Variants in ACOX3 observed in about 807,000 individuals in gnomAD.
ACOX3 encodes the protein acyl-CoA oxidase 3, pristanoyl.
In ACOX3, 73 loss-of-function variants were observed where a neutral mutation model predicts 81.5. The observed-to-expected ratio is 0.90, with a 90% CI of 0.74 to 1.09. The LOEUF (loss-of-function observed/expected upper bound fraction) is 1.09. Among genes scored for constraint, ACOX3 ranks in the 50% least tolerant of loss-of-function variants. ACOX3 has a pLI of 0.00. For synonymous variants in ACOX3, 387 were observed against 375.1 expected (o/e 1.03, Z -0.37); for missense variants, 947 against 928.0 (o/e 1.02, Z -0.27).
In ACOX3 at chr4:8,389,504, G is replaced by T; in HGVS notation, c.1423+108C>A. ...TATCTAATAACATTTCTTTCCTTCT[G>T]CAAACCTAGGATGCATTCACAGAAC... is the stretch of plus-strand genomic sequence containing the variant. On this transcript the variant is annotated intron_variant, in intron 12 of 17. Transcript: ENST00000356406. This position sits in a 1 kb window ranked among gnomAD's most constrained non-coding sequence, Gnocchi z 5.3. 1 of 1,541,288 alleles carries T rather than the reference G, an allele frequency of 6.5e-7. No individual in the cohort carries two copies. Among genetic ancestry groups the T allele is most frequent in the Non-Finnish European group, 8.8e-7 (1 of 1,131,312 alleles).
Position 8,370,760 on chromosome 4 carries a change from A to G in ACOX3, c.1983+148T>C. ...GAAGCACCAGAGTGAGACAGTCCTGACTTGTCCCGGGCCCTCCCCAAGAAG... is the reference window on the plus strand; with the variant it reads ...GAAGCACCAGAGTGAGACAGTCCTGGCTTGTCCCGGGCCCTCCCCAAGAAG... On this transcript the variant is annotated intron_variant, in intron 17 of 17. Transcript: ENST00000356406. The surrounding 1 kb of genome is among the most constrained non-coding windows in gnomAD (Gnocchi z 6.3). The G allele has an allele frequency of 1.5e-6, 1 of 669,466 alleles. No individual in the cohort carries two copies. Among genetic ancestry groups the G allele is most frequent in the Non-Finnish European group, 2.6e-6 (1 of 389,834 alleles). The allele number at this position is 669,466 out of a possible 1,614,324, so 41.5% of individuals were successfully genotyped here. A position where few individuals can be genotyped will look rare whatever the true frequency, so the allele number is the denominator to read the frequency against.
Position 8,416,597 on chromosome 4 carries a change from C to G in ACOX3, c.-14-62G>C. On this transcript the variant is annotated intron_variant, in intron 1 of 17. Coordinates refer to ENST00000356406, the MANE Select transcript of ACOX3 (RefSeq NM_003501.3). The surrounding 1 kb of genome is among the most constrained non-coding windows in gnomAD (Gnocchi z 4.2). ...ATCTATGGGTTCAAACTACCCCCACCAACAGGAGAGCCCGCAACACCTTAC... is the reference window on the plus strand; with the variant it reads ...ATCTATGGGTTCAAACTACCCCCACGAACAGGAGAGCCCGCAACACCTTAC... The G allele has an allele frequency of 6.8e-7, 1 of 1,481,138 alleles. No individual in the cohort carries two copies. The highest frequency in any genetic ancestry group is 2.4e-5 in the East Asian group (1 of 41,988). 91.7% of individuals were successfully genotyped at this position (1,481,138 alleles called of 1,614,324 possible). A position where few individuals can be genotyped will look rare whatever the true frequency, so the allele number is the denominator to read the frequency against.
chr4:8,365,129 T>C, downstream of ACOX3, among the ~76,000 whole-genome samples: 1 of 152,218 alleles, frequency 6.6e-6, no homozygotes, highest in East Asian at 1.9e-4. Flanking sequence ...CAACTGCTCT[T>C]GGGCTGGGAC....
Position 8,397,026 on chromosome 4 carries a change from C to A in ACOX3, c.967G>T (p.Val323Leu). Residue 323 changes from valine (V) to leucine (L), a missense_variant, in exon 9 of 18, where the codon GTG becomes TTG. Physicochemically the swap from Val to Leu is conservative, Grantham distance 32. Coordinates refer to ENST00000356406, the MANE Select transcript of ACOX3 (RefSeq NM_003501.3). The part of the protein sequence containing the change: ...SLAILNLKLA[V>L]AIALRFSATR... ...GCTGAGAAGCGAAGAGCGATGGCCA[C>A]GGCCAGCTTTAGGTTAAGGATGGCC... The A allele has an allele frequency of 6.2e-7, 1 of 1,611,540 alleles. No homozygotes were observed. The highest frequency in any genetic ancestry group is 8.5e-7 in the Non-Finnish European group (1 of 1,178,972).
Position 8,386,292 on chromosome 4 carries a change from C to A in ACOX3, c.1537+2881G>T, listed in dbSNP as rs558609986. Among the ~76,000 whole-genome samples the A allele has an allele frequency of 3.3e-5, 5 of 151,984 alleles. No individual in the cohort carries two copies. The highest frequency in any genetic ancestry group is 7.4e-5 in the Non-Finnish European group (5 of 68,002). On this transcript the variant is annotated intron_variant, in intron 13 of 17. Coordinates refer to ENST00000356406, the MANE Select transcript of ACOX3 (RefSeq NM_003501.3). The surrounding 1 kb of genome is among the most constrained non-coding windows in gnomAD (Gnocchi z 5.2). ...GCTTAGAAAGTGACTTGCGGCCGGG[C>A]GTGGTGGCTCATGCCTGTGATCCCA... is the stretch of plus-strand genomic sequence containing the variant.
intron 5 of ACOX3, among the ~76,000 whole-genome samples, chr4:8,411,551 G>A (rs1360097820): frequency 1.3e-5 from 2 of 152,184 alleles, no homozygotes; most frequent in African/African-American, 4.8e-5. Flanking sequence ...TCTTCAGCAC[G>A]CGGCAGTTCT....
downstream of ACOX3, among the ~76,000 whole-genome samples, chr4:8,361,539 C>T (rs549205867): frequency 2.3e-4 from 33 of 142,844 alleles, no homozygotes; most frequent in South Asian, 4.6e-3. Flanking sequence ...TAAAAAAATT[C>T]TGGGTGTGAA....
chr4:8,433,996 G>C (rs899135793), intron 1 of ACOX3, among the ~76,000 whole-genome samples: 3 of 152,132 alleles, frequency 2.0e-5, no homozygotes, highest in Non-Finnish European at 4.4e-5. Flanking sequence ...AGAAACAAAA[G>C]TAAGATAAAT....
At chr4:8,367,212 G>T in intron 17 of ACOX3, 132 bp from the exon 18 acceptor site, 1 of 1,232,416 alleles carries the variant, frequency 8.1e-7, no homozygotes. Context: ...GGGCACAGTG[G>T]CTCACGCCCG....
chr4:8,356,664 C>T, the ACOX3 span: 9 of 455,112 alleles, frequency 2.0e-5, no homozygotes, highest in Non-Finnish European at 4.0e-5. Flanking sequence ...GGAACACTAA[C>T]CTGTTCCTGG....
Position 8,414,272 on chromosome 4 carries a change from C to T in ACOX3, c.543+20G>A, listed in dbSNP as rs181404870. 34 of 1,604,926 alleles carry T rather than the reference C, an allele frequency of 2.1e-5. No individual in the cohort carries two copies. The African/African-American group carries it at 3.2e-4, about 15-fold the overall frequency. On this transcript the variant is annotated intron_variant, in intron 5 of 17. Coordinates refer to ENST00000356406, the MANE Select transcript of ACOX3 (RefSeq NM_003501.3). This position sits in a 1 kb window ranked among gnomAD's most constrained non-coding sequence, Gnocchi z 6.1. ...CTCATATGCTCCAAACTCAGGGACC[C>T]GGGGGAAGGTAATACCTACCTCAGT...
intron 6 of ACOX3, 72 bp downstream of exon 6, chr4:8,410,140 A>G (rs1721561422): frequency 5.9e-6 from 9 of 1,535,002 alleles, no homozygotes; most frequent in Non-Finnish European, 7.9e-6. Flanking sequence ...TATGACAAAA[A>G]TGACTCCAGA....
chr4:8,403,845 G>A (rs1236931199), intron 7 of ACOX3, among the ~76,000 whole-genome samples: 1 of 152,182 alleles, frequency 6.6e-6, no homozygotes, highest in East Asian at 1.9e-4. Context: ...GAAACTGAAT[G>A]AGCAGTGAAG....
rs1446344633 is a variant in ACOX3, at chr4:8,382,920, A to G, written c.1538-1313T>C. ...GGCAGGAGAATGGCGTGAACCCGGG[A>G]GGCGGAGTTGCAGTGAGCCGAGATC... On this transcript the variant is annotated intron_variant, in intron 13 of 17. Coordinates refer to ENST00000356406, the MANE Select transcript of ACOX3 (RefSeq NM_003501.3). The surrounding 1 kb of genome is among the most constrained non-coding windows in gnomAD (Gnocchi z 4.1). Among the ~76,000 whole-genome samples, 2 of 138,466 alleles carry G rather than the reference A, an allele frequency of 1.4e-5. No individual in the cohort carries two copies. Among genetic ancestry groups the G allele is most frequent in the Non-Finnish European group, 3.0e-5 (2 of 65,660 alleles). The allele number at this position is 138,466 out of a possible 152,430, so 90.8% of individuals were successfully genotyped here. A position where few individuals can be genotyped will look rare whatever the true frequency, so the allele number is the denominator to read the frequency against.
intron 1 of ACOX3, among the ~76,000 whole-genome samples, chr4:8,435,118 T>C (rs913270894): frequency 1.3e-5 from 2 of 152,218 alleles, no homozygotes; most frequent in Non-Finnish European, 2.9e-5. Flanking sequence ...AAAATGCATG[T>C]TACAGAACCT....
At chr4:8,375,280 A>C in intron 14 of ACOX3, 128 bp from the exon 15 acceptor site, 1 of 919,040 alleles carries the variant, frequency 1.1e-6, no homozygotes, top group Non-Finnish European at 1.6e-6. Flanking sequence ...ACAGTAACAT[A>C]AGGTGAGGCA....
intron 6 of ACOX3, among the ~76,000 whole-genome samples, chr4:8,409,802 G>A (rs1356988746): frequency 6.6e-6 from 1 of 150,860 alleles, no homozygotes; most frequent in African/African-American, 2.4e-5. Flanking sequence ...TGTGGGTGGA[G>A]CTGTCTGTGC....
intron 8 of ACOX3, among the ~76,000 whole-genome samples, chr4:8,397,481 T>G (rs1439570422): frequency 6.6e-6 from 1 of 152,216 alleles, no homozygotes; most frequent in East Asian, 1.9e-4. Context: ...AAGAATCAGA[T>G]GTGGCCTGTA....
chr4:8,389,404 C>G lies in ACOX3; in HGVS notation c.1424-118G>C, dbSNP rs1350161000. 7.8e-7 allele frequency: 1 copy of G among 1,280,332 alleles called. No homozygotes were observed. Among genetic ancestry groups the G allele is most frequent in the Non-Finnish European group, 1.1e-6 (1 of 924,506 alleles). The allele number at this position is 1,280,332 out of a possible 1,614,324, so 79.3% of individuals were successfully genotyped here. ...CCAGAGGACCCGACGGCCACAGACC[C>G]ACAGGCGAGGGTCTGGGTCTCAAGG... On this transcript the variant is annotated intron_variant, in intron 12 of 17. Coordinates refer to ENST00000356406, the MANE Select transcript of ACOX3 (RefSeq NM_003501.3). The surrounding 1 kb of genome is among the most constrained non-coding windows in gnomAD (Gnocchi z 5.3).
Sources: allele counts gnomAD v4.1 joint callset (sites outside exome capture counted in the v4.1 genomes callset), GRCh38; gene constraint gnomAD v4.1.1; non-coding constraint Gnocchi (gnomAD v3.1); transcripts MANE v1.5; gene names NCBI Gene and HGNC (gene_info 2026-07-23, HGNC 2026-07-21).